The following COL22A1 variants were observed in gnomAD, a reference collection of about 807,000 sequenced individuals.
COL22A1 encodes the protein collagen type XXII alpha 1 chain, also known as collagen alpha-1(XXII) chain.
In COL22A1, 221 loss-of-function variants were observed where a neutral mutation model predicts 248.9. The ratio of observed to expected loss-of-function variants is 0.89; its 90% CI spans 0.80 to 0.99. COL22A1 has a LOEUF of 0.99. Ranked by LOEUF, COL22A1 falls within the 50% of genes least tolerant of loss-of-function variation. The pLI, the probability that COL22A1 is intolerant of heterozygous loss-of-function variation, is 0.00. For synonymous variants in COL22A1, 891 were observed against 793.4 expected (o/e 1.12, Z -2.07); for missense variants, 2,240 against 2,179.0 (o/e 1.03, Z -0.56).
chr8:138,597,043 G>A (rs1394361231), intron 61 of COL22A1, 73 bp from the exon 62 acceptor site: 1 of 1,334,840 alleles, frequency 7.5e-7, no homozygotes, highest in African/African-American at 1.4e-5. Flanking sequence ...GAGGACTTGG[G>A]AAACCAGGAA....
At chr8:138,855,601 C>T (rs990446454) in intron 3 of COL22A1, among the ~76,000 whole-genome samples, 1 of 152,210 alleles carries the variant, frequency 6.6e-6, no homozygotes, top group Admixed American at 6.5e-5. Flanking sequence ...CTACTCACAA[C>T]CCCTGTGCAG....
chr8:138,665,534 T>G (rs1587811443), intron 41 of COL22A1, among the ~76,000 whole-genome samples: 1 of 152,356 alleles, frequency 6.6e-6, no homozygotes, highest in South Asian at 2.1e-4. Flanking sequence ...AAGTCAGAAG[T>G]CCTGCAGAAC....
At chr8:138,826,569 C>T (rs1186448961) in intron 6 of COL22A1, 89 bp downstream of exon 6, 1 of 1,416,540 alleles carries the variant, frequency 7.1e-7, no homozygotes, top group Admixed American at 1.7e-5. Context: ...GATAAGAGCC[C>T]TGGAGAAAAC....
At position 138,731,068 on chromosome 8, in the gene COL22A1, G is replaced by A. The variant is rs554166868; in HGVS notation, c.2140-5628C>T. ...TGTAATCCCAGCACTTTGGGAGGCC[G>A]AGGCGGGCAGATCACCTGAGGTCGG... On this transcript the variant is annotated intron_variant, in intron 23 of 64. Coordinates refer to ENST00000303045, the MANE Select transcript of COL22A1 (RefSeq NM_152888.3). Among the ~76,000 whole-genome samples the A allele has an allele frequency of 1.5e-3, 234 of 152,258 alleles. 2 individuals carry two copies. The highest frequency in any genetic ancestry group is 5.0e-3 in the African/African-American group (209 of 41,550).
intron 29 of COL22A1, 152 bp downstream of exon 29, chr8:138,716,075 C>A (rs948521687): frequency 3.0e-6 from 2 of 657,132 alleles, no homozygotes; most frequent in African/African-American, 3.7e-5. Flanking sequence ...TAGTCTTATC[C>A]CCTTCCCCGT....
chr8:138,695,790 A>G (rs566232609), intron 32 of COL22A1, among the ~76,000 whole-genome samples: 22 of 151,958 alleles, frequency 1.4e-4, no homozygotes, highest in Non-Finnish European at 2.8e-4. Flanking sequence ...TGCAATTCAT[A>G]TGGAACAAGG....
intron 26 of COL22A1, 75 bp from the exon 27 acceptor site, chr8:138,720,867 G>GTACTATATA (rs1563665623): frequency 8.1e-7 from 1 of 1,238,886 alleles, no homozygotes. Flanking sequence ...ACTAGGCACA[G>GTACTATATA]GTTGGAAGGA....
At chr8:138,713,245 G>C (rs190594717) in intron 30 of COL22A1, among the ~76,000 whole-genome samples, 11 of 151,158 alleles carry the variant, frequency 7.3e-5, no homozygotes, top group Admixed American at 5.9e-4. Flanking sequence ...TGGATGGGGT[G>C]GGGGGGCGGT....
intron 44 of COL22A1, among the ~76,000 whole-genome samples, chr8:138,658,696 T>C (rs1823514064): frequency 6.6e-6 from 1 of 152,194 alleles, no homozygotes; most frequent in Admixed American, 6.5e-5. Context: ...ACCATTGCCA[T>C]GAGCATAACA....
At chr8:138,660,619 C>T in intron 43 of COL22A1, 139 bp from the exon 44 acceptor site, 1 of 708,526 alleles carries the variant, frequency 1.4e-6, no homozygotes, top group South Asian at 1.8e-5. Flanking sequence ...TGAGGATTGG[C>T]ACCAATAAAA....
At chr8:138,825,014 C>A (rs1193726537) in intron 6 of COL22A1, among the ~76,000 whole-genome samples, 7 of 152,252 alleles carry the variant, frequency 4.6e-5, no homozygotes, top group African/African-American at 1.4e-4. Context: ...TCTGCAAATG[C>A]CATGAAGGAA....
chr8:138,668,417 CAT>C (rs1437609918), intron 41 of COL22A1, among the ~76,000 whole-genome samples: 1 of 152,102 alleles, frequency 6.6e-6, no homozygotes, highest in Non-Finnish European at 1.5e-5. Context: ...CACACATGCA[CAT>C]ATATATCACA....
At chr8:138,716,528 C>T (rs1829445582) in intron 28 of COL22A1, among the ~76,000 whole-genome samples, 1 of 152,170 alleles carries the variant, frequency 6.6e-6, no homozygotes, top group African/African-American at 2.4e-5. Context: ...TATTTTGCCT[C>T]TCCTGGTGTC....
At chr8:138,623,403 C>T (rs752534529) in intron 52 of COL22A1, among the ~76,000 whole-genome samples, 10 of 151,834 alleles carry the variant, frequency 6.6e-5, no homozygotes, top group Non-Finnish European at 1.5e-4. Context: ...TCTACTTCAG[C>T]TTCCTCTATC....
chr8:138,621,093 A>G (rs1333371839), intron 52 of COL22A1, among the ~76,000 whole-genome samples: 1 of 152,070 alleles, frequency 6.6e-6, no homozygotes, highest in Non-Finnish European at 1.5e-5. Context: ...TGAATGAGCA[A>G]CTCAACTTGA....
intron 11 of COL22A1, among the ~76,000 whole-genome samples, chr8:138,798,100 T>C (rs1165116947): frequency 1.3e-5 from 2 of 151,528 alleles, no homozygotes; most frequent in Non-Finnish European, 3.0e-5. Context: ...TTTGTCTCTT[T>C]GAATACAAAA....
At chr8:138,795,245 G>A (rs1816404448) in intron 12 of COL22A1, among the ~76,000 whole-genome samples, 1 of 152,196 alleles carries the variant, frequency 6.6e-6, no homozygotes, top group South Asian at 2.1e-4. Flanking sequence ...GAGCCAGAGA[G>A]TGGCGGAATG....
chr8:138,642,483 A>G lies in COL22A1; in HGVS notation c.3501+4146T>C, dbSNP rs1821801482. ...GGTTGGAGTCACCATCCGCTCCTAA[A>G]TGGAGCAAGAAGAACCCCTGTATTT... is the stretch of plus-strand genomic sequence containing the variant. On this transcript the variant is annotated intron_variant, in intron 47 of 64. Transcript: ENST00000303045. Among the ~76,000 whole-genome samples, 4 of 152,204 alleles carry G rather than the reference A, an allele frequency of 2.6e-5. No individual in the cohort carries two copies. The South Asian group carries it at 6.2e-4, about 24-fold the overall frequency.
At chr8:138,674,482 G>A (rs76362300) in intron 41 of COL22A1, among the ~76,000 whole-genome samples, 16 of 152,290 alleles carry the variant, frequency 1.1e-4, no homozygotes, top group African/African-American at 3.6e-4. Flanking sequence ...TATCCACCAC[G>A]GAAGCTTTTA....
Sources: gnomAD v4.1 joint callset for allele counts (sites outside exome capture counted in the v4.1 genomes callset) on GRCh38, gnomAD v4.1.1 for gene constraint, MANE v1.5 for transcripts, NCBI Gene and HGNC (gene_info 2026-07-23, HGNC 2026-07-21) for gene names.